BBX: variants seen among roughly 807,000 people sequenced by gnomAD.
The protein encoded by BBX is HMG box transcription factor BBX.
In BBX, 30 loss-of-function variants were observed where a neutral mutation model predicts 100.2. That is an observed-to-expected ratio of 0.30 (90% confidence interval 0.22 to 0.41). BBX has a LOEUF of 0.41. BBX is among the 10% of genes least tolerant of loss of function. The pLI is 1.00. For missense variants in BBX, 1,023 were observed against 1,129.8 expected, an observed-to-expected ratio of 0.91 and a Z score of 1.35; for synonymous variants, 376 against 388.1, an observed-to-expected ratio of 0.97 and a Z score of 0.37.
At chr3:107,606,857 C>G (rs1041285653) in intron 2 of BBX, among the ~76,000 whole-genome samples, 4 of 152,062 alleles carry the variant, frequency 2.6e-5, no homozygotes, top group Admixed American at 6.5e-5. Context: ...ACTATAGTCA[C>G]CATTCTGTGC....
chr3:107,535,674 C>T (rs1029105899), intron 2 of BBX, among the ~76,000 whole-genome samples: 1 of 151,354 alleles, frequency 6.6e-6, no homozygotes, highest in African/African-American at 2.4e-5. Context: ...CTCACTGCAA[C>T]CTCTGCCTTC....
intron 6 of BBX, 140 bp downstream of exon 6, chr3:107,729,100 C>G: frequency 2.4e-6 from 2 of 832,126 alleles, no homozygotes; most frequent in Non-Finnish European, 3.8e-6. Flanking sequence ...TATTTTCAAG[C>G]ATTGGATCAT....
chr3:107,737,338 G>C (rs1209706408), intron 7 of BBX, among the ~76,000 whole-genome samples: 1 of 150,772 alleles, frequency 6.6e-6, no homozygotes, highest in Non-Finnish European at 1.5e-5. Context: ...GAGAGTTCTT[G>C]TCTATTGAAA....
At chr3:107,552,234 C>T (rs1402546254) in intron 2 of BBX, among the ~76,000 whole-genome samples, 2 of 150,888 alleles carry the variant, frequency 1.3e-5, no homozygotes, top group African/African-American at 2.4e-5. Context: ...CTCCCAGCTA[C>T]CTGGGAGGCT....
intron 2 of BBX, among the ~76,000 whole-genome samples, chr3:107,575,533 G>C (rs2051708413): frequency 6.6e-6 from 1 of 152,130 alleles, no homozygotes; most frequent in African/African-American, 2.4e-5. Flanking sequence ...CATCTGATGG[G>C]GATGGATATC....
intron 5 of BBX, among the ~76,000 whole-genome samples, chr3:107,725,403 T>C (rs1053799124): frequency 1.3e-5 from 2 of 152,096 alleles, no homozygotes; most frequent in Admixed American, 6.6e-5. Flanking sequence ...CCTTTATTTC[T>C]TTCTCCTGCC....
intron 2 of BBX, among the ~76,000 whole-genome samples, chr3:107,593,600 C>T (rs1373970941): frequency 1.3e-5 from 2 of 152,192 alleles, no homozygotes; most frequent in South Asian, 2.1e-4. Context: ...TCTATGGGAT[C>T]GTAGAGGGTA....
Position 107,523,040 on chromosome 3 carries a change from T to C in BBX, c.-223T>C, listed in dbSNP as rs1444304108. The C allele has an allele frequency of 6.5e-6, 1 of 154,084 alleles. No individual in the cohort carries two copies. The highest frequency in any genetic ancestry group is 2.4e-5 in the African/African-American group (1 of 41,454). The allele number at this position is 154,084 out of a possible 1,614,324, so 9.5% of individuals were successfully genotyped here. ...CCGCGAGCTTCTCTCCACTTTCCCA[T>C]AGAGAAACCCTGACTGGCCGCTGAG... On this transcript the variant is annotated 5_prime_UTR_variant, in exon 1 of 18. Coordinates refer to ENST00000325805, the MANE Select transcript of BBX (RefSeq NM_001142568.3).
chr3:107,679,424 T>C (rs2059457755), intron 3 of BBX, among the ~76,000 whole-genome samples: 1 of 152,166 alleles, frequency 6.6e-6, no homozygotes, highest in Admixed American at 6.6e-5. Flanking sequence ...TTTGTCCAGG[T>C]CCTGCTGTGC....
In BBX at chr3:107,726,137, C is replaced by G. The variant is rs570942874; in HGVS notation, c.406-2628C>G. Among the ~76,000 whole-genome samples, 289 of 152,110 alleles carry G rather than the reference C, an allele frequency of 1.9e-3. 1 individual carries two copies. The highest frequency in any genetic ancestry group is 6.7e-3 in the African/African-American group (280 of 41,528). ...CAGCTGTTCGCTTCAGAGGAGTATA[C>G]AGAGTCTTCCCCCATTTGTCCCTTA... On this transcript the variant is annotated intron_variant, in intron 5 of 17. Coordinates refer to ENST00000325805, the MANE Select transcript of BBX (RefSeq NM_001142568.3).
chr3:107,691,151 T>C (rs2060147563), intron 3 of BBX, among the ~76,000 whole-genome samples: 1 of 152,038 alleles, frequency 6.6e-6, no homozygotes, highest in Non-Finnish European at 1.5e-5. Flanking sequence ...AAACGATTAC[T>C]CCTGCCTTGA....
intron 6 of BBX, among the ~76,000 whole-genome samples, chr3:107,729,990 G>T (rs1213459752): frequency 1.3e-5 from 2 of 152,124 alleles, no homozygotes; most frequent in African/African-American, 4.8e-5. Flanking sequence ...GGGAGGCTGA[G>T]ATGGGAGGAT....
At position 107,787,738 on chromosome 3, in the gene BBX, T is replaced by C. The variant is rs115301257; in HGVS notation, c.2204-2049T>C. ...GGCATGGGGTTGGCTTGCAGTTTTA[T>C]ATAGAGTGGTCTGAAGATAGTTAAG... On this transcript the variant is annotated intron_variant, in intron 13 of 17. Transcript: ENST00000325805. Among the ~76,000 whole-genome samples the C allele has an allele frequency of 2.7e-3, 414 of 152,290 alleles. 4 individuals are homozygous for C. The highest frequency in any genetic ancestry group is 7.1e-3 in the East Asian group (37 of 5,182).
chr3:107,759,830 G>A (rs1438307560), intron 10 of BBX, among the ~76,000 whole-genome samples: 2 of 152,194 alleles, frequency 1.3e-5, no homozygotes, highest in Admixed American at 6.5e-5. Context: ...ACTAGAGGCT[G>A]CAGCATAAGC....
At chr3:107,613,767 A>T (rs2055029184) in intron 2 of BBX, among the ~76,000 whole-genome samples, 1 of 152,108 alleles carries the variant, frequency 6.6e-6, no homozygotes, top group Non-Finnish European at 1.5e-5. Context: ...GAGATTGCTT[A>T]TAGACCTATC....
At chr3:107,764,716 A>G (rs538235347) in intron 10 of BBX, among the ~76,000 whole-genome samples, 1 of 152,356 alleles carries the variant, frequency 6.6e-6, no homozygotes, top group African/African-American at 2.4e-5. Context: ...TTACTGAGGC[A>G]TGTACTGTTT....
intron 3 of BBX, among the ~76,000 whole-genome samples, chr3:107,667,692 C>T (rs2058824436): frequency 6.6e-6 from 1 of 151,824 alleles, no homozygotes; most frequent in African/African-American, 2.4e-5. Flanking sequence ...CTCTTATTAT[C>T]TATTATACAG....
At chr3:107,638,108 G>A (rs2056958938) in intron 2 of BBX, among the ~76,000 whole-genome samples, 1 of 152,138 alleles carries the variant, frequency 6.6e-6, no homozygotes, top group Admixed American at 6.5e-5. Flanking sequence ...TGTACAGGCA[G>A]GTCTCACTGT....
chr3:107,553,243 G>A (rs1455004315), intron 2 of BBX, among the ~76,000 whole-genome samples: 1 of 152,144 alleles, frequency 6.6e-6, no homozygotes, highest in Non-Finnish European at 1.5e-5. Context: ...ATCAGACAAT[G>A]TGATAGATAT....
Sources: gnomAD v4.1 joint callset for allele counts (sites outside exome capture counted in the v4.1 genomes callset) on GRCh38, gnomAD v4.1.1 for gene constraint, MANE v1.5 for transcripts, NCBI Gene and HGNC (gene_info 2026-07-23, HGNC 2026-07-21) for gene names.